ZNF362: variants seen among roughly 807,000 people sequenced by gnomAD.
ZNF362 encodes rotund homolog.
Under a neutral mutation model 42.9 loss-of-function variants are expected in ZNF362, and 11 were observed. That is an observed-to-expected ratio of 0.26 (90% CI 0.16 to 0.42). The LOEUF (loss-of-function observed/expected upper bound fraction) is 0.42. ZNF362 is among the 20% of genes least tolerant of loss of function. The pLI is 1.00. For missense variants in ZNF362, 362 were observed against 576.2 expected, an observed-to-expected ratio of 0.63 and a Z score of 3.81; for synonymous variants, 255 against 257.3, an observed-to-expected ratio of 0.99 and a Z score of 0.09.
the ZNF362 span, among the ~76,000 whole-genome samples, chr1:33,234,277 G>C: frequency 2.6e-5 from 4 of 152,240 alleles, no homozygotes; most frequent in East Asian, 5.8e-4. Flanking sequence ...TTTGAAATGA[G>C]TAAACTAACA....
chr1:33,180,966 CGCCCGGCCCCACCTCCA>C, the ZNF362 span: 3 of 855,078 alleles, frequency 3.5e-6, no homozygotes, highest in Admixed American at 2.6e-5. Context: ...CCCCACCCCC[CGCCCGGCCCCACCTCCA>C]GCCCGGCCCC....
the ZNF362 span, among the ~76,000 whole-genome samples, chr1:33,192,958 C>T: frequency 7.1e-6 from 1 of 141,842 alleles, no homozygotes; most frequent in African/African-American, 2.6e-5. Context: ...GAAATATATA[C>T]GTATATATAT....
chr1:33,156,561 C>A, the ZNF362 span, among the ~76,000 whole-genome samples: 1 of 152,180 alleles, frequency 6.6e-6, no homozygotes, highest in South Asian at 2.1e-4. Context: ...CTGGGTCCCC[C>A]TCTTGTCCCT....
the ZNF362 span, among the ~76,000 whole-genome samples, chr1:33,237,069 CA>C: frequency 2.0e-5 from 3 of 151,546 alleles, no homozygotes; most frequent in Non-Finnish European, 4.4e-5. Context: ...GATTCTGTCT[CA>C]AAAAAAACTC....
chr1:33,248,299 C>T, the ZNF362 span, among the ~76,000 whole-genome samples: 1 of 152,214 alleles, frequency 6.6e-6, no homozygotes, highest in African/African-American at 2.4e-5. Flanking sequence ...GGTCAAGGCT[C>T]TGCCCTCCTG....
At chr1:33,221,086 G>A in the ZNF362 span, among the ~76,000 whole-genome samples, 1 of 152,208 alleles carries the variant, frequency 6.6e-6, no homozygotes, top group Non-Finnish European at 1.5e-5. Flanking sequence ...GAAGGGTGGT[G>A]CTGGGGGGCG....
At chr1:33,173,678 CTT>C in the ZNF362 span, among the ~76,000 whole-genome samples, 481 of 143,500 alleles carry the variant, frequency 3.4e-3, 1 homozygote, top group Middle Eastern at 0.014. Context: ...CAGTTTCTTT[CTT>C]TTTTTTTTTT....
chr1:33,177,122 C>A, the ZNF362 span, among the ~76,000 whole-genome samples: 69 of 151,706 alleles, frequency 4.5e-4, no homozygotes, highest in South Asian at 9.4e-3. This position sits in a 1 kb window ranked among gnomAD's most constrained non-coding sequence, Gnocchi z 4.1. Flanking sequence ...CATGCATGTA[C>A]GCATGCACAC....
chr1:33,275,637 G>A lies in ZNF362; in HGVS notation c.39-463G>A, dbSNP rs114962720. The stretch of plus-strand genomic sequence containing the variant: ...CCCCCTGATTTTGAGAAGGATGTCC[G>A]TACTCAAGGGGTCAGGGGGCAGAAG... On this transcript the variant is annotated intron_variant, in intron 2 of 8. Transcript: ENST00000539719. Among the ~76,000 whole-genome samples, 1,197 of 152,312 alleles carry A rather than the reference G, an allele frequency of 7.9e-3. 16 individuals carry two copies. Among genetic ancestry groups the A allele is most frequent in the African/African-American group, 0.028 (1,144 of 41,568 alleles).
chr1:33,171,389 CAG>C, the ZNF362 span, among the ~76,000 whole-genome samples: 1 of 152,144 alleles, frequency 6.6e-6, no homozygotes, highest in South Asian at 2.1e-4. Context: ...GTCCATCTCA[CAG>C]AGGGGGAAAT....
At chr1:33,215,701 T>C in the ZNF362 span, among the ~76,000 whole-genome samples, 9 of 152,266 alleles carry the variant, frequency 5.9e-5, no homozygotes, top group Non-Finnish European at 1.2e-4. Flanking sequence ...TTCTGTACCC[T>C]GGTAGTGTTG....
chr1:33,243,200 G>A, the ZNF362 span, among the ~76,000 whole-genome samples: 7 of 151,928 alleles, frequency 4.6e-5, no homozygotes, highest in African/African-American at 1.7e-4. Context: ...CTGTTGCCCA[G>A]GGTGGAGTGC....
chr1:33,136,817 T>C, the ZNF362 span, among the ~76,000 whole-genome samples: 267 of 150,820 alleles, frequency 1.8e-3, no homozygotes, highest in African/African-American at 5.9e-3. Flanking sequence ...GCCAATATGG[T>C]GAAACCCTGT....
intron 2 of ZNF362, among the ~76,000 whole-genome samples, chr1:33,272,008 G>A (rs149435598): frequency 6.6e-6 from 1 of 152,234 alleles, no homozygotes; most frequent in Non-Finnish European, 1.5e-5. Flanking sequence ...ATTCTAAAGT[G>A]GTTGGGCCAC....
intron 1 of ZNF362, among the ~76,000 whole-genome samples, chr1:33,262,607 G>A (rs1001941314): frequency 4.6e-5 from 7 of 152,092 alleles, no homozygotes; most frequent in African/African-American, 1.4e-4. Context: ...GCACCTGGCC[G>A]GCTTTAGGAT....
chr1:33,209,347 T>C, the ZNF362 span, among the ~76,000 whole-genome samples: 1 of 152,222 alleles, frequency 6.6e-6, no homozygotes, highest in African/African-American at 2.4e-5. Flanking sequence ...GATTTTTGCA[T>C]TGATGTTCAT....
At chr1:33,130,493 A>G in the ZNF362 span, among the ~76,000 whole-genome samples, 3 of 152,152 alleles carry the variant, frequency 2.0e-5, no homozygotes, top group African/African-American at 7.2e-5. Context: ...ACAGATGACT[A>G]ATCAACGGCT....
At chr1:33,250,851 AG>A in the ZNF362 span, among the ~76,000 whole-genome samples, 148 of 80,222 alleles carry the variant, frequency 1.8e-3, no homozygotes, top group African/African-American at 5.6e-3. Flanking sequence ...AGAAGAAAGA[AG>A]GAAGAAGAAG....
chr1:33,224,042 A>G, the ZNF362 span, among the ~76,000 whole-genome samples: 1 of 152,204 alleles, frequency 6.6e-6, no homozygotes. Flanking sequence ...AGAGTTTCAA[A>G]TTATCTCTAC....
Sources: allele counts gnomAD v4.1 joint callset (sites outside exome capture counted in the v4.1 genomes callset), GRCh38; gene constraint gnomAD v4.1.1; non-coding constraint Gnocchi (gnomAD v3.1); transcripts MANE v1.5; gene names NCBI Gene and HGNC (gene_info 2026-07-23, HGNC 2026-07-21).